The following RELCH variants were observed in gnomAD, a reference collection of about 807,000 sequenced individuals.
RELCH encodes RAB11 binding and LisH domain, coiled-coil and HEAT repeat containing, also known as RAB11-binding protein RELCH.
A neutral mutation model predicts 150.3 loss-of-function variants in RELCH; 41 were observed. That is an observed-to-expected ratio of 0.27 (90% CI 0.21 to 0.35). The LOEUF is 0.35. RELCH is among the 10% of genes least tolerant of loss of function. The pLI, the probability that RELCH is intolerant of heterozygous loss-of-function variation, is 1.00. For missense variants in RELCH, 1,092 were observed against 1,467.8 expected (o/e 0.74, Z 4.18); for synonymous variants, 478 against 531.8 (o/e 0.90, Z 1.39).
At chr18:62,286,498 C>T (rs1029893224) in intron 25 of RELCH, among the ~76,000 whole-genome samples, 1 of 152,026 alleles carries the variant, frequency 6.6e-6, no homozygotes, top group African/African-American at 2.4e-5. Context: ...ACTTTATATA[C>T]ACAAACTCAG....
intron 18 of RELCH, among the ~76,000 whole-genome samples, chr18:62,266,294 G>A (rs1360829106): frequency 6.6e-6 from 1 of 151,690 alleles, no homozygotes; most frequent in Admixed American, 6.6e-5. Context: ...TTTCCTTTTC[G>A]TTTTTTAAAA....
chr18:62,188,104 G>T (rs980796264), intron 1 of RELCH, 73 bp downstream of exon 1: 4 of 1,421,544 alleles, frequency 2.8e-6, no homozygotes, highest in African/African-American at 2.9e-5. Context: ...GGGAGAGGGG[G>T]TATTTCTGCG....
chr18:62,268,947 A>G lies in RELCH; in HGVS notation c.2759A>G (p.Gln920Arg). The change falls in exon 20 of 29, where the codon CAG becomes CGG. Residue 920 changes from glutamine (Q) to arginine (R), a missense_variant and splice_region_variant. Physicochemically the swap from Gln to Arg is conservative, Grantham distance 43. Transcript: ENST00000644646. ...ACAGGAGTCCTTACGTGTTATATTC[A>G]GGTAAGGGAAAAATTCTTACTCTCT... ...YATGVLTCYI[Q>R]EEDRKLLVGF... 1.3e-6 allele frequency: 2 copies of G among 1,496,800 alleles called. No individual in the cohort carries two copies. The highest frequency in any genetic ancestry group is 1.8e-6 in the Non-Finnish European group (2 of 1,109,968). The allele number at this position is 1,496,800 out of a possible 1,614,324, so 92.7% of individuals were successfully genotyped here.
chr18:62,209,053 T>C (rs1340661005), intron 1 of RELCH, among the ~76,000 whole-genome samples: 5 of 152,172 alleles, frequency 3.3e-5, no homozygotes, highest in African/African-American at 1.2e-4. Flanking sequence ...GGATAATGTC[T>C]CTTTTTTAAG....
At chr18:62,214,451 A>G (rs2040360852) in intron 2 of RELCH, among the ~76,000 whole-genome samples, 1 of 152,046 alleles carries the variant, frequency 6.6e-6, no homozygotes, top group Non-Finnish European at 1.5e-5. Context: ...CATGGTTTGG[A>G]GTCTTGTGCC....
At chr18:62,303,490 A>G (rs1299841389) in intron 28 of RELCH, among the ~76,000 whole-genome samples, 1 of 152,172 alleles carries the variant, frequency 6.6e-6, no homozygotes, top group Admixed American at 6.5e-5. Flanking sequence ...TTAGAATATC[A>G]TTAAAACTTG....
intron 11 of RELCH, among the ~76,000 whole-genome samples, chr18:62,245,623 G>A (rs545450122): frequency 2.7e-4 from 41 of 151,970 alleles, no homozygotes; most frequent in Admixed American, 2.0e-3. Flanking sequence ...GTGAAAGTCC[G>A]TCTCAAAAAA....
chr18:62,232,512 T>C, intron 10 of RELCH, 85 bp downstream of exon 10: 4 of 794,814 alleles, frequency 5.0e-6, no homozygotes, highest in South Asian at 3.0e-5. Flanking sequence ...GTTATATTTT[T>C]ATTTTGTTAA....
intron 27 of RELCH, 59 bp downstream of exon 27, chr18:62,291,690 G>T: frequency 9.2e-7 from 1 of 1,083,166 alleles, no homozygotes; most frequent in South Asian, 1.4e-5. Flanking sequence ...ATATAGACTT[G>T]CAGTCTTCTC....
intron 28 of RELCH, among the ~76,000 whole-genome samples, chr18:62,302,095 G>A (rs1035110989): frequency 1.3e-5 from 2 of 152,178 alleles, no homozygotes; most frequent in African/African-American, 2.4e-5. Context: ...TTTGAGATCC[G>A]TATTTCAGAT....
intron 28 of RELCH, chr18:62,300,998 T>C (rs2145150811): frequency 6.6e-6 from 1 of 152,200 alleles, no homozygotes; most frequent in South Asian, 2.1e-4. Context: ...TATTCACAGC[T>C]GAAAGTGGGA....
chr18:62,287,183 T>C (rs769797449), intron 25 of RELCH, among the ~76,000 whole-genome samples, 168 bp from the exon 26 acceptor site: 1 of 152,194 alleles, frequency 6.6e-6, no homozygotes, highest in Non-Finnish European at 1.5e-5. Context: ...AAAACTACTT[T>C]CTTCCCTAGT....
intron 8 of RELCH, among the ~76,000 whole-genome samples, chr18:62,230,728 T>C (rs112414298): frequency 0.018 from 2,718 of 152,178 alleles, 81 homozygotes; most frequent in African/African-American, 0.061. Flanking sequence ...TGTGGTTTTC[T>C]AATATTCAGA....
chr18:62,252,162 ATTTTTTT>A (rs138202096), intron 11 of RELCH, among the ~76,000 whole-genome samples: 1 of 133,934 alleles, frequency 7.5e-6, no homozygotes, highest in Non-Finnish European at 1.6e-5. Context: ...CGCCCGGCTA[ATTTTTTT>A]TTTTTTTTTT....
chr18:62,283,812 G>C (rs1420168579), intron 25 of RELCH, among the ~76,000 whole-genome samples: 1 of 152,196 alleles, frequency 6.6e-6, no homozygotes, highest in South Asian at 2.1e-4. Context: ...TCTGAGGCAA[G>C]GAGACCAACT....
At chr18:62,216,016 A>G (rs1466514696) in intron 2 of RELCH, among the ~76,000 whole-genome samples, 2 of 152,164 alleles carry the variant, frequency 1.3e-5, no homozygotes, top group African/African-American at 4.8e-5. Context: ...TGAGTTTAAT[A>G]TAGGTGATTT....
In RELCH at chr18:62,187,654, G is replaced by A; in HGVS notation, c.149G>A (p.Gly50Asp). Residue 50 changes from glycine (G) to aspartate (D), a missense_variant, in exon 1 of 29, where the codon GGC becomes GAC. Physicochemically the swap from Gly to Asp is moderately conservative, Grantham distance 94. Transcript: ENST00000644646. ...GGCGCCGGAAGTGGCCTAGATCCTGGCTCTGCGGGCTCGCTGTCGCCACAG... is the reference window on the plus strand; with the variant it reads ...GGCGCCGGAAGTGGCCTAGATCCTGACTCTGCGGGCTCGCTGTCGCCACAG... ...RLGAGSGLDPGSAGSLSPQDP... is the reference protein window; with the variant it reads ...RLGAGSGLDPDSAGSLSPQDP... 1 of 1,558,638 alleles carries A rather than the reference G, an allele frequency of 6.4e-7. No homozygotes were observed.
At position 62,207,646 on chromosome 18, in the gene RELCH, T is replaced by G. The variant is rs56672254; in HGVS notation, c.527-3507T>G. Among the ~76,000 whole-genome samples, 413 of 152,344 alleles carry G rather than the reference T, an allele frequency of 2.7e-3. 1 individual carries two copies. Among genetic ancestry groups the G allele is most frequent in the African/African-American group, 9.7e-3 (405 of 41,586 alleles). The stretch of plus-strand genomic sequence containing the variant: ...AATTTCTTCACATTGTCACCAACAC[T>G]ATTGTCTTGTCTTTTTATTAAAGTG... On this transcript the variant is annotated intron_variant, in intron 1 of 28. Transcript: ENST00000644646.
chr18:62,245,172 A>G (rs541326497), intron 11 of RELCH, among the ~76,000 whole-genome samples: 1 of 152,338 alleles, frequency 6.6e-6, no homozygotes, highest in African/African-American at 2.4e-5. Flanking sequence ...AATCACTCTA[A>G]GAAATTTACC....
Sources: gnomAD v4.1 joint callset for allele counts (sites outside exome capture counted in the v4.1 genomes callset) on GRCh38, gnomAD v4.1.1 for gene constraint, MANE v1.5 for transcripts, NCBI Gene and HGNC (gene_info 2026-07-23, HGNC 2026-07-21) for gene names.